HDDC2: variants seen among roughly 807,000 people sequenced by gnomAD.
HDDC2 encodes 5'-deoxynucleotidase HDDC2.
In HDDC2, 25 loss-of-function variants were observed where a neutral mutation model predicts 25.5. The ratio of observed to expected loss-of-function variants is 0.98; its 90% CI spans 0.72 to 1.37. The LOEUF (loss-of-function observed/expected upper bound fraction) is 1.37, where lower values mean the gene tolerates loss of function less well. Ranked by LOEUF, HDDC2 falls within the 40% of genes most tolerant of loss-of-function variation. The pLI, the probability that HDDC2 is intolerant of heterozygous loss-of-function variation, is 0.00. For synonymous variants in HDDC2, 106 were observed against 89.7 expected (o/e 1.18, Z -1.03); for missense variants, 264 against 253.1 (o/e 1.04, Z -0.29).
At chr6:125,293,342 A>AT (rs1176797909) in intron 3 of HDDC2, 1 of 206,914 alleles carries the variant, frequency 4.8e-6, no homozygotes, top group Non-Finnish European at 1.0e-5. Flanking sequence ...GCTCAAAGAG[A>AT]TTTTTTGTAT....
Position 125,297,382 on chromosome 6 carries a change from G to A in HDDC2, c.309+1332C>T, listed in dbSNP as rs1798719927. On this transcript the variant is annotated intron_variant, in intron 3 of 5. Coordinates refer to ENST00000398153, the MANE Select transcript of HDDC2 (RefSeq NM_016063.3). ...GCCTGTATCTTGGACCTAAACTTTGGCAGGAAGAACACATTCCTTATACTA... is the reference window on the plus strand; with the variant it reads ...GCCTGTATCTTGGACCTAAACTTTGACAGGAAGAACACATTCCTTATACTA... 3 of 390,662 alleles carry A rather than the reference G, an allele frequency of 7.7e-6. No homozygotes were observed. In the East Asian group the frequency reaches 1.1e-4, roughly 14 times the overall value. 24.2% of individuals were successfully genotyped at this position (390,662 alleles called of 1,614,324 possible).
intron 3 of HDDC2, among the ~76,000 whole-genome samples, chr6:125,295,673 C>G (rs1798697184): frequency 6.6e-6 from 1 of 152,184 alleles, no homozygotes; most frequent in Non-Finnish European, 1.5e-5. Context: ...TCTTGTCATA[C>G]TTACTCTATG....
Position 125,275,916 on chromosome 6 carries a change from A to G in HDDC2, c.*230T>C, listed in dbSNP as rs1798359831. On this transcript the variant is annotated 3_prime_UTR_variant, in exon 6 of 6. Transcript: ENST00000398153. The stretch of plus-strand genomic sequence containing the variant: ...TTTAATATTTATTTATTTAGTTCAT[A>G]AACAGGCACTGCCACCTCCAGTGTT... 1 of 508,808 alleles carries G rather than the reference A, an allele frequency of 2.0e-6. No homozygotes were observed. The highest frequency in any genetic ancestry group is 2.0e-5 in the African/African-American group (1 of 51,216). 31.5% of individuals were successfully genotyped at this position (508,808 alleles called of 1,614,324 possible).
intron 3 of HDDC2, among the ~76,000 whole-genome samples, chr6:125,297,302 AG>A (rs1798719067): frequency 6.6e-6 from 1 of 152,200 alleles, no homozygotes; most frequent in African/African-American, 2.4e-5. Context: ...ATGGCAGTGC[AG>A]ATTCATATAG....
chr6:125,292,878 G>A lies in HDDC2; in HGVS notation c.341C>T (p.Pro114Leu), dbSNP rs959044297. Residue 114 changes from proline (P) to leucine (L), a missense_variant, in exon 4 of 6, where the codon CCA becomes CTA. By Grantham distance (98) the Pro-to-Leu change is moderately conservative. Coordinates refer to ENST00000398153, the MANE Select transcript of HDDC2 (RefSeq NM_016063.3). Reference sequence around the variant, plus strand: ...ATAGAGCTCCTTTCTGAGGTCCTCTGGTAGGAGCTGGGTTATCTGCTTCAT... The same window carrying A: ...ATAGAGCTCCTTTCTGAGGTCCTCTAGTAGGAGCTGGGTTATCTGCTTCAT... ...EAMKQITQLL[P>L]EDLRKELYEL... 3 of 1,612,958 alleles carry A rather than the reference G, an allele frequency of 1.9e-6. No individual in the cohort carries two copies. The highest frequency in any genetic ancestry group is 1.3e-5 in the African/African-American group (1 of 75,016).
chr6:125,282,755 T>C (rs540175111), intron 4 of HDDC2, among the ~76,000 whole-genome samples: 5 of 152,316 alleles, frequency 3.3e-5, no homozygotes, highest in African/African-American at 1.2e-4. Context: ...TAGTGTGCTA[T>C]ATTCAGGAGA....
intron 4 of HDDC2, 116 bp downstream of exon 4, chr6:125,292,725 C>T (rs1798649215): frequency 1.2e-6 from 1 of 801,280 alleles, no homozygotes; most frequent in Non-Finnish European, 2.1e-6. Context: ...CAGACACAAA[C>T]CAGACAGTAA....
chr6:125,298,751 T>C lies in HDDC2; in HGVS notation c.272A>G (p.Asp91Gly). ...ECIVGDIAPA[D>G]NIPKEEKHRR... is the part of the protein sequence containing the mutation. The stretch of plus-strand genomic sequence containing the variant: ...ATGTTTTTCTTCTTTGGGGATGTTA[T>C]CTGCTGGTGCTATGTCCCCAACGAT... The change falls in exon 3 of 6, where the codon GAT (aspartate) becomes GGT (glycine). Residue 91 changes from aspartate to glycine, a missense_variant. Asp to Gly is a moderately conservative substitution (Grantham distance 94, BLOSUM62 -1). Transcript: ENST00000398153. The C allele has an allele frequency of 5.0e-6, 8 of 1,614,162 alleles. No individual in the cohort carries two copies. Among genetic ancestry groups the C allele is most frequent in the South Asian group, 2.2e-5 (2 of 91,084 alleles).
chr6:125,282,224 T>C (rs1798469492), intron 4 of HDDC2, among the ~76,000 whole-genome samples: 1 of 151,884 alleles, frequency 6.6e-6, no homozygotes, highest in South Asian at 2.1e-4. Context: ...CGGGCGCCTA[T>C]AGTCTCAGCT....
Position 125,275,604 on chromosome 6 carries a change from T to A in HDDC2, c.*542A>T, listed in dbSNP as rs9491352. 0.2 allele frequency: 30,084 copies of A among 152,588 alleles called. 3,360 individuals carry two copies. The highest frequency in any genetic ancestry group is 0.31 in the African/African-American group (12,706 of 41,460). 9.5% of individuals were successfully genotyped at this position (152,588 alleles called of 1,614,324 possible). A position where few individuals can be genotyped will look rare whatever the true frequency, so the allele number is the denominator to read the frequency against. On this transcript the variant is annotated 3_prime_UTR_variant, in exon 6 of 6. Coordinates refer to ENST00000398153, the MANE Select transcript of HDDC2 (RefSeq NM_016063.3). ...AAGAGGGGCAGAGCCTATTAGTAGGTTTACAAGCCTATGATTAGAAGTCTG... is the reference window on the plus strand; with the variant it reads ...AAGAGGGGCAGAGCCTATTAGTAGGATTACAAGCCTATGATTAGAAGTCTG...
intron 4 of HDDC2, among the ~76,000 whole-genome samples, chr6:125,283,049 A>G (rs921758212): frequency 6.6e-6 from 1 of 152,240 alleles, no homozygotes; most frequent in Non-Finnish European, 1.5e-5. Context: ...ACATAAACAG[A>G]ACCAATGACA....
At chr6:125,294,174 T>C (rs889353534) in intron 3 of HDDC2, among the ~76,000 whole-genome samples, 9 of 152,188 alleles carry the variant, frequency 5.9e-5, no homozygotes, top group African/African-American at 2.2e-4. Context: ...GAACGGAATA[T>C]GGCTATAAAA....
chr6:125,291,208 C>T (rs1798627175), intron 4 of HDDC2, among the ~76,000 whole-genome samples: 1 of 152,120 alleles, frequency 6.6e-6, no homozygotes, highest in African/African-American at 2.4e-5. Flanking sequence ...TGAGACGAGG[C>T]ACACTTTTCT....
In HDDC2 at chr6:125,277,926, G is replaced by C. The variant is rs1381228698; in HGVS notation, c.379-686C>G. 3.3e-5 allele frequency: 5 copies of C among 152,156 alleles called. No individual in the cohort carries two copies. The East Asian group carries it at 7.7e-4, about 23-fold the overall frequency. 9.4% of individuals were successfully genotyped at this position (152,156 alleles called of 1,614,324 possible). A position where few individuals can be genotyped will look rare whatever the true frequency, so the allele number is the denominator to read the frequency against. On this transcript the variant is annotated intron_variant, in intron 4 of 5. Transcript: ENST00000398153. ...GTCCCTCCCTCTGCAGTGCAGACTT[G>C]GAACAAGAAGCTCCAGGAGTTCTGC...
At chr6:125,300,955 A>G (rs1453656734) in intron 1 of HDDC2, among the ~76,000 whole-genome samples, 4 of 152,148 alleles carry the variant, frequency 2.6e-5, no homozygotes, top group Non-Finnish European at 4.4e-5. Context: ...TTAAACAAAA[A>G]CAAAACTGCA....
chr6:125,293,919 A>C (rs139374097), intron 3 of HDDC2, among the ~76,000 whole-genome samples: 1 of 152,354 alleles, frequency 6.6e-6, no homozygotes, highest in East Asian at 1.9e-4. Flanking sequence ...CCTAATGAAA[A>C]GCAGAGACAA....
intron 4 of HDDC2, among the ~76,000 whole-genome samples, chr6:125,286,319 A>C (rs1015479808): frequency 6.6e-6 from 1 of 152,254 alleles, no homozygotes; most frequent in African/African-American, 2.4e-5. Flanking sequence ...ATGTAGATAT[A>C]GTCCAACTAT....
At chr6:125,294,010 C>A (rs2318093) in intron 3 of HDDC2, among the ~76,000 whole-genome samples, 35,176 of 152,048 alleles carry the variant, frequency 0.23, 6,085 homozygotes, top group African/African-American at 0.47. Context: ...CCCTTATCCT[C>A]CAGTCTTCTC....
At chr6:125,290,873 A>C (rs1413979474) in intron 4 of HDDC2, among the ~76,000 whole-genome samples, 1 of 152,182 alleles carries the variant, frequency 6.6e-6, no homozygotes, top group Admixed American at 6.5e-5. Flanking sequence ...TTCAAATTCA[A>C]AGCCGTTCTA....
Sources: allele counts gnomAD v4.1 joint callset (sites outside exome capture counted in the v4.1 genomes callset), GRCh38; gene constraint gnomAD v4.1.1; transcripts MANE v1.5; gene names NCBI Gene and HGNC (gene_info 2026-07-23, HGNC 2026-07-21).